NSF: variants seen among roughly 807,000 people sequenced by gnomAD.
NSF encodes the protein N-ethylmaleimide sensitive factor, vesicle fusing ATPase, also known as vesicle-fusing ATPase.
A neutral mutation model predicts 50.3 loss-of-function variants in NSF; 14 were observed. The ratio of observed to expected loss-of-function variants is 0.28; its 90% CI spans 0.18 to 0.44. The LOEUF (loss-of-function observed/expected upper bound fraction) is 0.44, where lower values mean the gene tolerates loss of function less well. Ranked by LOEUF, NSF falls within the 20% of genes least tolerant of loss-of-function variation. NSF has a pLI of 1.00. For missense variants in NSF, 218 were observed against 504.3 expected (o/e 0.43, Z 5.44); for synonymous variants, 109 against 175.7 (o/e 0.62, Z 3.00).
chr17:46,737,704 G>T (rs902165932), intron 17 of NSF, among the ~76,000 whole-genome samples: 1 of 151,856 alleles, frequency 6.6e-6, no homozygotes, highest in Non-Finnish European at 1.5e-5. Flanking sequence ...TATATGTTAC[G>T]TGGTTCCAGT....
rs1173468402 is a variant in NSF, at chr17:46,757,022, G to A, written c.*1199G>A. On this transcript the variant is annotated 3_prime_UTR_variant, in exon 21 of 21. Coordinates refer to ENST00000398238, the MANE Select transcript of NSF (RefSeq NM_006178.4). Reference sequence around the variant, plus strand: ...CTCCCAACTGCTGCTTAAAATGCAAGGACAAGCAATTAGAAGCCATCCTAA... The same window carrying A: ...CTCCCAACTGCTGCTTAAAATGCAAAGACAAGCAATTAGAAGCCATCCTAA... 1 of 152,040 alleles carries A rather than the reference G, an allele frequency of 6.6e-6. No homozygotes were observed. Among genetic ancestry groups the A allele is most frequent in the Admixed American group, 6.6e-5 (1 of 15,262 alleles). 9.4% of individuals were successfully genotyped at this position (152,040 alleles called of 1,614,324 possible).
intron 19 of NSF, 95 bp from the exon 20 acceptor site, chr17:46,755,219 T>C: frequency 2.3e-6 from 2 of 865,238 alleles, no homozygotes; most frequent in South Asian, 1.4e-5. Context: ...AGAGCATTGA[T>C]GAAGTGTGAA....
At chr17:46,752,240 T>C (rs1440337289) in intron 19 of NSF, among the ~76,000 whole-genome samples, 1 of 152,198 alleles carries the variant, frequency 6.6e-6, no homozygotes, top group East Asian at 1.9e-4. Flanking sequence ...TCTTTGGGAC[T>C]TTCTCATATC....
rs1687512747 is a variant in NSF, at chr17:46,751,539, A to G, written c.2080A>G (p.Ile694Val). 6.2e-7 allele frequency: 1 copy of G among 1,614,104 alleles called. No homozygotes were observed. The highest frequency in any genetic ancestry group is 8.5e-7 in the Non-Finnish European group (1 of 1,179,994). ...GNFKDKERTT[I>V]AQQVKGKKVW... ...CTTCAAGGATAAGGAACGCACCACA[A>G]TTGCACAGCAAGTCAAAGGGAAGAA... The change falls in exon 19 of 21, where the codon ATT (isoleucine) becomes GTT (valine). Residue 694 changes from isoleucine to valine, a missense_variant. Physicochemically the swap from Ile to Val is conservative, Grantham distance 29. Transcript: ENST00000398238.
At position 46,756,896 on chromosome 17, in the gene NSF, C is replaced by T. The variant is rs1318851925; in HGVS notation, c.*1073C>T. ...CACACTTCTTCCAAAAGGAAGCACC[C>T]GTTGAGTCCTTTTGAGGGTGATTTG... On this transcript the variant is annotated 3_prime_UTR_variant, in exon 21 of 21. Coordinates refer to ENST00000398238, the MANE Select transcript of NSF (RefSeq NM_006178.4). 1.3e-5 allele frequency: 2 copies of T among 152,586 alleles called. No individual in the cohort carries two copies. Among genetic ancestry groups the T allele is most frequent in the Admixed American group, 6.5e-5 (1 of 15,290 alleles). 9.5% of individuals were successfully genotyped at this position (152,586 alleles called of 1,614,324 possible).
At chr17:46,724,498 GA>G (rs1423384239) in intron 15 of NSF, among the ~76,000 whole-genome samples, 1 of 152,176 alleles carries the variant, frequency 6.6e-6, no homozygotes, top group East Asian at 1.9e-4. Flanking sequence ...GCTTCTTTCA[GA>G]AAGGGGTGTA....
In NSF at chr17:46,662,716, G is replaced by GT. The variant is rs1270521178; in HGVS notation, c.746-11692dup. 2.2e-5 allele frequency among the ~76,000 whole-genome samples: 3 copies of GT among 138,284 alleles called. No homozygotes were observed. In the East Asian group the frequency reaches 5.9e-4, roughly 27 times the overall value. 90.7% of individuals were successfully genotyped at this position (138,284 alleles called of 152,430 possible). Reference sequence around the variant, plus strand: ...AAGCTAATTCTCCTAAGCTTGGTTGGTTTTTTCTAGCCAGTCTTTTTAGCC... The same window carrying GT: ...AAGCTAATTCTCCTAAGCTTGGTTGGTTTTTTTCTAGCCAGTCTTTTTAGCC... On this transcript the variant is annotated intron_variant, in intron 8 of 20. Transcript: ENST00000398238.
intron 13 of NSF, 41 bp downstream of exon 13, chr17:46,704,895 T>G: frequency 1.3e-6 from 2 of 1,567,548 alleles, no homozygotes; most frequent in Non-Finnish European, 1.7e-6. Context: ...CAAAAAGTAA[T>G]GATAATAATA....
At chr17:46,688,177 TATGAAGGA>T (rs1252116186) in intron 9 of NSF, among the ~76,000 whole-genome samples, 1 of 146,034 alleles carries the variant, frequency 6.8e-6, no homozygotes, top group Non-Finnish European at 1.5e-5. Flanking sequence ...TAGGAATCTT[TATGAAGGA>T]ATGAAGGAAT....
intron 8 of NSF, among the ~76,000 whole-genome samples, chr17:46,659,794 A>C (rs535575985): frequency 1.4e-5 from 2 of 145,582 alleles, no homozygotes; most frequent in East Asian, 2.1e-4. Context: ...TTAAACTTTC[A>C]GCATACTTTG....
intron 15 of NSF, chr17:46,721,786 A>G (rs901403779): frequency 8.1e-5 from 130 of 1,602,164 alleles, no homozygotes; most frequent in Non-Finnish European, 1.0e-4. Flanking sequence ...CAAGGAAGGC[A>G]TCGTGCACAG....
At chr17:46,751,264 A>G (rs555457653) in intron 18 of NSF, among the ~76,000 whole-genome samples, 2 of 152,328 alleles carry the variant, frequency 1.3e-5, no homozygotes, top group South Asian at 2.1e-4. Context: ...CCCAGAAAAT[A>G]TAAGTTACAT....
chr17:46,710,584 C>T (rs2058709746), intron 13 of NSF, among the ~76,000 whole-genome samples: 2 of 152,174 alleles, frequency 1.3e-5, no homozygotes, highest in African/African-American at 4.8e-5. Flanking sequence ...GCATATTTGT[C>T]TATTGCGCTG....
At chr17:46,732,798 A>G (rs2058963144) in intron 17 of NSF, among the ~76,000 whole-genome samples, 1 of 152,166 alleles carries the variant, frequency 6.6e-6, no homozygotes, top group Non-Finnish European at 1.5e-5. Flanking sequence ...GAAGAGATCG[A>G]GAGGGGATAG....
At position 46,728,875 on chromosome 17, in the gene NSF, C is replaced by T. The variant is rs779152160; in HGVS notation, c.1849C>T (p.Arg617Ter). 3 of 1,608,598 alleles carry T rather than the reference C, an allele frequency of 1.9e-6. No homozygotes were observed. The highest frequency in any genetic ancestry group is 2.5e-6 in the Non-Finnish European group (3 of 1,177,596). Residue 617 changes from arginine (R) to a stop codon, truncating the protein, a stop_gained, in exon 17 of 21, where the codon CGA becomes TGA. Coordinates refer to ENST00000398238, the MANE Select transcript of NSF (RefSeq NM_006178.4). LOFTEE classifies it high-confidence loss of function. The stretch of plus-strand genomic sequence containing the variant: ...TCCAGATTACGTCCCTATTGGCCCT[C>T]GATTTTCAAATCTTGTATTACAGGC... ...RLLDYVPIGP[R>*]FSNLVLQALL... is the part of the protein sequence containing the mutation.
intron 13 of NSF, among the ~76,000 whole-genome samples, chr17:46,708,997 G>T (rs2058690864): frequency 6.6e-6 from 1 of 151,162 alleles, no homozygotes; most frequent in Non-Finnish European, 1.5e-5. Context: ...ACTAATTTTT[G>T]TATTTTTAGT....
chr17:46,712,885 G>T (rs1450854588), intron 14 of NSF, among the ~76,000 whole-genome samples: 2 of 152,122 alleles, frequency 1.3e-5, no homozygotes, highest in African/African-American at 2.4e-5. Context: ...AGAAAGAGGG[G>T]AATTATGAAT....
chr17:46,753,704 G>C (rs921841199), intron 19 of NSF, among the ~76,000 whole-genome samples: 3 of 152,080 alleles, frequency 2.0e-5, no homozygotes, highest in Non-Finnish European at 4.4e-5. Context: ...CAGTGATCAA[G>C]TTAATGCTTC....
At chr17:46,708,611 C>A (rs2058681721) in intron 13 of NSF, among the ~76,000 whole-genome samples, 2 of 149,038 alleles carry the variant, frequency 1.3e-5, no homozygotes, top group African/African-American at 4.9e-5. Flanking sequence ...CCTGCCTCAG[C>A]CTCCCCAGTA....
Sources: gnomAD v4.1 joint callset for allele counts (sites outside exome capture counted in the v4.1 genomes callset) on GRCh38, gnomAD v4.1.1 for gene constraint, MANE v1.5 for transcripts, NCBI Gene and HGNC (gene_info 2026-07-23, HGNC 2026-07-21) for gene names.